Variants in MYH9 observed in about 807,000 individuals in gnomAD.
The protein encoded by MYH9 is myosin-9.
MYH9 carries 29 observed loss-of-function variants against 241.9 expected under a neutral mutation model. That is an observed-to-expected ratio of 0.12 (90% CI 0.09 to 0.16). MYH9 has a LOEUF of 0.16. Ranked by LOEUF, MYH9 falls within the 10% of genes least tolerant of loss-of-function variation. The pLI is 1.00. For synonymous variants in MYH9, 1,047 were observed against 1,062.6 expected, an observed-to-expected ratio of 0.99 and a Z score of 0.29; for missense variants, 1,803 against 2,595.5, an observed-to-expected ratio of 0.69 and a Z score of 6.63.
chr22:36,322,285 C>G (rs896923733), intron 6 of MYH9, 144 bp downstream of exon 6: 4 of 915,908 alleles, frequency 4.4e-6, no homozygotes, highest in East Asian at 5.0e-5. Flanking sequence ...TTCGGTCTGG[C>G]CTAGTCCACA....
chr22:36,324,202 G>C (rs1030259520), intron 5 of MYH9, among the ~76,000 whole-genome samples: 2 of 152,250 alleles, frequency 1.3e-5, no homozygotes, highest in African/African-American at 4.8e-5. Context: ...GCCAAGTCGG[G>C]AGCAGCCACT....
chr22:36,348,778 CT>C, intron 2 of MYH9, 125 bp downstream of exon 2: 1 of 906,352 alleles, frequency 1.1e-6, no homozygotes. Context: ...CCCAGCACTC[CT>C]TCAAGCCCCC....
intron 1 of MYH9, among the ~76,000 whole-genome samples, chr22:36,384,607 A>ATATTT (rs2018314619): frequency 3.4e-5 from 1 of 29,406 alleles, no homozygotes. Flanking sequence ...AAAAAAAAAA[A>ATATTT]AAAAATATAT....
At chr22:36,294,001 A>G (rs1199730748) in intron 28 of MYH9, 91 bp downstream of exon 28, 2 of 1,503,814 alleles carry the variant, frequency 1.3e-6, no homozygotes, top group African/African-American at 1.4e-5. Flanking sequence ...GAGAAGAGAG[A>G]GAGACAGAGA....
At chr22:36,379,816 C>A (rs1239878140) in intron 1 of MYH9, among the ~76,000 whole-genome samples, 3 of 152,222 alleles carry the variant, frequency 2.0e-5, no homozygotes, top group Non-Finnish European at 4.4e-5. Flanking sequence ...CCCAGCTGCT[C>A]CAGCGCTTGG....
In MYH9 at chr22:36,330,572, G is replaced by C. The variant is rs1361479075; in HGVS notation, c.491-3084C>G. Among the ~76,000 whole-genome samples, 1 of 152,132 alleles carries C rather than the reference G, an allele frequency of 6.6e-6. No homozygotes were observed. Among genetic ancestry groups the C allele is most frequent in the African/African-American group, 2.4e-5 (1 of 41,430 alleles). ...TCTCTTCTGGGCAGTGGGGTGGTTA[G>C]AATTCTTAGCAACCAGTGGGCTCTT... On this transcript the variant is annotated intron_variant, in intron 3 of 40. Transcript: ENST00000216181. This position sits in a 1 kb window ranked among gnomAD's most constrained non-coding sequence, Gnocchi z 4.5.
At chr22:36,357,188 G>A (rs959366334) in intron 1 of MYH9, among the ~76,000 whole-genome samples, 1 of 152,182 alleles carries the variant, frequency 6.6e-6, no homozygotes, top group African/African-American at 2.4e-5. Context: ...GGAACAAAGA[G>A]AAAGGGACAC....
chr22:36,303,451 C>T (rs73165600), intron 19 of MYH9, among the ~76,000 whole-genome samples: 6,190 of 151,402 alleles, frequency 0.041, 151 homozygotes, highest in East Asian at 0.096. Flanking sequence ...CAAGCAGAGT[C>T]AGCCTCTTCC....
At chr22:36,286,697 C>G in intron 35 of MYH9, 21 bp downstream of exon 35, 1 of 1,610,646 alleles carries the variant, frequency 6.2e-7, no homozygotes, top group South Asian at 1.1e-5. Context: ...CGGTGCCGCT[C>G]TCCATTGCAG....
chr22:36,290,894 G>A (rs1436131715), intron 31 of MYH9, among the ~76,000 whole-genome samples: 1 of 151,874 alleles, frequency 6.6e-6, no homozygotes, highest in Non-Finnish European at 1.5e-5. Flanking sequence ...TGAGAAGTGA[G>A]GAGACCCTCT....
chr22:36,301,442 G>T, intron 21 of MYH9, 92 bp downstream of exon 21: 2 of 1,559,080 alleles, frequency 1.3e-6, no homozygotes, highest in Non-Finnish European at 1.8e-6. Context: ...TATAGTAATA[G>T]AAACTTCCAG....
Position 36,300,166 on chromosome 22 carries a change from C to T in MYH9, c.2937G>A (p.Glu979=). ...AGTTCTGGTCCTCCAGGATGATCTG[C>T]TCCTCCTCCAGCTTTTTCAGCTTCG... ...TEAKLKKLEE[E]QIILEDQNCK... is the part of the protein sequence containing the mutation. The change falls in exon 23 of 41, where the codon GAG becomes GAA. Residue 979 remains glutamate, a synonymous_variant. Coordinates refer to ENST00000216181, the MANE Select transcript of MYH9 (RefSeq NM_002473.6). This position sits in a 1 kb window ranked among gnomAD's most constrained non-coding sequence, Gnocchi z 5.0. 1.2e-6 allele frequency: 2 copies of T among 1,613,246 alleles called. No individual in the cohort carries two copies. Among genetic ancestry groups the T allele is most frequent in the Non-Finnish European group, 1.7e-6 (2 of 1,180,022 alleles).
At chr22:36,310,777 T>C (rs2017049630) in intron 14 of MYH9, among the ~76,000 whole-genome samples, 2 of 152,164 alleles carry the variant, frequency 1.3e-5, no homozygotes, top group East Asian at 3.8e-4. Flanking sequence ...AGGGTATTCC[T>C]AATTATTCAG....
chr22:36,286,904 C>A (rs375975669), intron 34 of MYH9, 58 bp from the exon 35 acceptor site: 42 of 1,599,236 alleles, frequency 2.6e-5, no homozygotes, highest in Middle Eastern at 3.4e-4. Flanking sequence ...CCACCCCAAC[C>A]CTCATGGGTC....
In MYH9 at chr22:36,314,133, C is replaced by T; in HGVS notation, c.1554+12G>A. ...GAGGCAGGTGTGAGGTCAAAGCAAG[C>T]CTGGTACTCACTGGCTTCTCAATGA... On this transcript the variant is annotated intron_variant, in intron 13 of 40. Transcript: ENST00000216181. The T allele has an allele frequency of 1.2e-6, 2 of 1,613,538 alleles. No homozygotes were observed. Among genetic ancestry groups the T allele is most frequent in the Non-Finnish European group, 1.7e-6 (2 of 1,179,406 alleles).
intron 15 of MYH9, among the ~76,000 whole-genome samples, chr22:36,307,073 C>T (rs2016982369): frequency 6.6e-6 from 1 of 152,090 alleles, no homozygotes; most frequent in African/African-American, 2.4e-5. Flanking sequence ...CATAAGAGCA[C>T]TCGGCTGGGA....
chr22:36,332,571 G>A (rs2017439019), intron 3 of MYH9, among the ~76,000 whole-genome samples: 1 of 147,840 alleles, frequency 6.8e-6, no homozygotes, highest in South Asian at 2.2e-4. Context: ...TCTCCCAGGT[G>A]GAACCTGGTT....
Position 36,296,845 on chromosome 22 carries a change from G to C in MYH9, c.3270C>G (p.Ala1090=). The change falls in exon 25 of 41, where the codon GCC becomes GCG. Residue 1090 remains alanine (A), a splice_region_variant and synonymous_variant. Coordinates refer to ENST00000216181, the MANE Select transcript of MYH9 (RefSeq NM_002473.6). ...AGGCGGGCAGGCGGGGTCCTCACCT[G>C]GCCAGGGCGGCCTGGAGCTCCTCCT... ...KKEEELQAAL[A]RVEEEAAQKN... is the part of the protein sequence containing the mutation. 6.2e-7 allele frequency: 1 copy of C among 1,608,818 alleles called. No individual in the cohort carries two copies.
chr22:36,302,527 C>G, intron 20 of MYH9, 41 bp downstream of exon 20: 1 of 1,506,430 alleles, frequency 6.6e-7, no homozygotes, highest in Non-Finnish European at 9.2e-7. Context: ...GTGGTGTGCA[C>G]CCGTAGTCCC....
Sources: allele counts gnomAD v4.1 joint callset (sites outside exome capture counted in the v4.1 genomes callset), GRCh38; gene constraint gnomAD v4.1.1; non-coding constraint Gnocchi (gnomAD v3.1); transcripts MANE v1.5; gene names NCBI Gene and HGNC (gene_info 2026-07-23, HGNC 2026-07-21).